The following PPARG variants were observed in gnomAD, a reference collection of about 807,000 sequenced individuals.
The protein encoded by PPARG is peroxisome proliferator-activated receptor gamma.
PPARG carries 17 observed loss-of-function variants against 39.2 expected under a neutral mutation model. The ratio of observed to expected loss-of-function variants is 0.43; its 90% confidence interval spans 0.30 to 0.65. The LOEUF (loss-of-function observed/expected upper bound fraction) is 0.65, where lower values mean the gene tolerates loss of function less well. Ranked by LOEUF, PPARG falls within the 30% of genes least tolerant of loss-of-function variation. PPARG has a pLI of 0.13. For missense variants in PPARG, 406 were observed against 585.9 expected, an observed-to-expected ratio of 0.69 and a Z score of 3.17; for synonymous variants, 223 against 215.7, an observed-to-expected ratio of 1.03 and a Z score of -0.30.
At chr3:12,367,703 T>A (rs970475716) in intron 2 of PPARG, among the ~76,000 whole-genome samples, 1 of 147,820 alleles carries the variant, frequency 6.8e-6, no homozygotes, top group Non-Finnish European at 1.5e-5. Flanking sequence ...AAAATAAAAA[T>A]AAAAAAATAA....
chr3:12,379,589 G>A (rs1435065462), intron 2 of PPARG, 115 bp from the exon 3 acceptor site: 2 of 903,558 alleles, frequency 2.2e-6, no homozygotes, highest in Admixed American at 2.0e-5. Context: ...GTTGTTGTGA[G>A]CGCCCAGATG....
chr3:12,419,889 TAGTC>T (rs1559534513), intron 7 of PPARG, among the ~76,000 whole-genome samples: 2 of 152,220 alleles, frequency 1.3e-5, no homozygotes, highest in African/African-American at 4.8e-5. Context: ...TCTTTTCACT[TAGTC>T]AATTTCCCAT....
intron 7 of PPARG, among the ~76,000 whole-genome samples, chr3:12,431,148 A>G (rs887510851): frequency 6.6e-6 from 1 of 152,178 alleles, no homozygotes; most frequent in Non-Finnish European, 1.5e-5. Flanking sequence ...GACTGAGAAA[A>G]CCTTATAATC....
chr3:12,316,757 C>T (rs1353785322), intron 2 of PPARG, among the ~76,000 whole-genome samples: 1 of 151,398 alleles, frequency 6.6e-6, no homozygotes, highest in African/African-American at 2.4e-5. Flanking sequence ...GGTTCCTGGA[C>T]ATCATTTACC....
chr3:12,391,561 C>T (rs955735313), intron 4 of PPARG, among the ~76,000 whole-genome samples: 1 of 152,100 alleles, frequency 6.6e-6, no homozygotes, highest in African/African-American at 2.4e-5. Flanking sequence ...GGAAGGATGG[C>T]GTTGCGTCTG....
rs969197983 is a variant in PPARG, at chr3:12,354,577, C to A, written c.-8-25127C>A. On this transcript the variant is annotated intron_variant, in intron 2 of 7. Transcript: ENST00000651735. ...GACCATCCTGGCTAACACGATGAAA[C>A]CCTGTCTCTACTAAAAATACAAAAA... 1.9e-4 allele frequency among the ~76,000 whole-genome samples: 29 copies of A among 151,862 alleles called. 1 individual carries two copies. The highest frequency in any genetic ancestry group is 3.2e-3 in the Middle Eastern group (1 of 316).
chr3:12,309,947 G>T (rs1419407452), intron 1 of PPARG, among the ~76,000 whole-genome samples: 1 of 152,174 alleles, frequency 6.6e-6, no homozygotes, highest in Non-Finnish European at 1.5e-5. Context: ...GATGGGTAGG[G>T]TGTTTATAAT....
chr3:12,361,560 G>A lies in PPARG; in HGVS notation c.-8-18144G>A, dbSNP rs1439076947. ...AGGCAAGGGTTTATCTCTTTCATGGGGATATCCAGTTGACCTGCTTCGTTT... is the reference window on the plus strand; with the variant it reads ...AGGCAAGGGTTTATCTCTTTCATGGAGATATCCAGTTGACCTGCTTCGTTT... On this transcript the variant is annotated intron_variant, in intron 2 of 7. Coordinates refer to ENST00000651735, the MANE Select transcript of PPARG (RefSeq NM_138711.6). Among the ~76,000 whole-genome samples, 4 of 152,132 alleles carry A rather than the reference G, an allele frequency of 2.6e-5. 1 individual carries two copies. The highest frequency in any genetic ancestry group is 1.9e-4 in the East Asian group (1 of 5,196).
At chr3:12,327,069 C>T (rs1195573861) in intron 2 of PPARG, among the ~76,000 whole-genome samples, 1 of 151,770 alleles carries the variant, frequency 6.6e-6, no homozygotes, top group East Asian at 1.9e-4. Flanking sequence ...GACTAATTTA[C>T]TGTGATATAT....
intron 2 of PPARG, among the ~76,000 whole-genome samples, chr3:12,379,094 C>A (rs1326312095): frequency 6.6e-6 from 1 of 151,816 alleles, no homozygotes; most frequent in Non-Finnish European, 1.5e-5. Flanking sequence ...GCTACCTCTG[C>A]CTCCCAGGTT....
At chr3:12,290,846 G>A (rs1279169513) in intron 1 of PPARG, among the ~76,000 whole-genome samples, 1 of 152,044 alleles carries the variant, frequency 6.6e-6, no homozygotes, top group African/African-American at 2.4e-5. Flanking sequence ...TTATAAAATC[G>A]TTATTAATAA....
intron 4 of PPARG, 142 bp from the exon 5 acceptor site, chr3:12,392,472 G>T: frequency 1.1e-6 from 1 of 874,404 alleles, no homozygotes; most frequent in South Asian, 1.5e-5. Flanking sequence ...GAGGTTAAGT[G>T]ACTTGTCTAA....
At chr3:12,320,519 A>C (rs910771881) in intron 2 of PPARG, among the ~76,000 whole-genome samples, 5 of 152,188 alleles carry the variant, frequency 3.3e-5, no homozygotes, top group African/African-American at 1.2e-4. Flanking sequence ...CAGACCCCAC[A>C]ATAACTATAT....
intron 2 of PPARG, among the ~76,000 whole-genome samples, chr3:12,371,169 T>C (rs2049197058): frequency 6.6e-6 from 1 of 152,186 alleles, no homozygotes; most frequent in Admixed American, 6.6e-5. Context: ...CATTATCTAA[T>C]TTAATCCTCA....
intron 1 of PPARG, among the ~76,000 whole-genome samples, chr3:12,309,934 G>T (rs1246677286): frequency 6.6e-6 from 1 of 152,158 alleles, no homozygotes; most frequent in African/African-American, 2.4e-5. Context: ...GGCTTCTAGG[G>T]ATGATGGGTA....
intron 1 of PPARG, among the ~76,000 whole-genome samples, chr3:12,298,324 A>AAAAAAAAGAAAG (rs764771478): frequency 7.4e-6 from 1 of 134,644 alleles, no homozygotes; most frequent in Non-Finnish European, 1.6e-5. Flanking sequence ...AAAAAAAAAA[A>AAAAAAAAGAAAG]AAAGAAATGT....
rs536525593 is a variant in PPARG at position 12,353,317 on chromosome 3, C to T, written c.-8-26387C>T. On this transcript the variant is annotated intron_variant, in intron 2 of 7. Coordinates refer to ENST00000651735, the MANE Select transcript of PPARG (RefSeq NM_138711.6). Reference sequence around the variant, plus strand: ...TCTGGCTACTACTTCTTCATAAGCACTGTTTCTCTGTTAAAAATGTGAGCT... The same window carrying T: ...TCTGGCTACTACTTCTTCATAAGCATTGTTTCTCTGTTAAAAATGTGAGCT... 3.3e-5 allele frequency among the ~76,000 whole-genome samples: 5 copies of T among 152,282 alleles called. No homozygotes were observed. In the East Asian group the frequency reaches 5.8e-4, roughly 18 times the overall value.
chr3:12,417,374 C>G (rs1474226043), intron 7 of PPARG, among the ~76,000 whole-genome samples: 1 of 152,092 alleles, frequency 6.6e-6, no homozygotes, highest in Non-Finnish European at 1.5e-5. Flanking sequence ...TCTCTTTCAT[C>G]CCTCAACAAT....
chr3:12,395,547 A>C (rs1313045045), intron 5 of PPARG, among the ~76,000 whole-genome samples: 1 of 152,196 alleles, frequency 6.6e-6, no homozygotes, highest in African/African-American at 2.4e-5. Context: ...CATCGTCTAC[A>C]TGTTGTAGAA....
Sources: gnomAD v4.1 joint callset for allele counts (sites outside exome capture counted in the v4.1 genomes callset) on GRCh38, gnomAD v4.1.1 for gene constraint, MANE v1.5 for transcripts, NCBI Gene and HGNC (gene_info 2026-07-23, HGNC 2026-07-21) for gene names.